The following TMPO variants were observed in gnomAD, a reference collection of about 807,000 sequenced individuals.
TMPO encodes LEM domain containing 4.
Under a neutral mutation model 45.4 loss-of-function variants are expected in TMPO, and 22 were observed. The observed-to-expected ratio is 0.48, with a 90% CI of 0.35 to 0.69. TMPO has a LOEUF of 0.69. Among genes scored for constraint, TMPO ranks in the 30% least tolerant of loss-of-function variants. TMPO has a pLI of 0.01. For missense variants in TMPO, 512 were observed against 548.8 expected (o/e 0.93, Z 0.67); for synonymous variants, 241 against 204.1 (o/e 1.18, Z -1.54).
intron 7 of TMPO, among the ~76,000 whole-genome samples, chr12:98,545,709 G>C (rs1354450403): frequency 5.9e-5 from 9 of 151,948 alleles, no homozygotes. Context: ...TTTTACTACA[G>C]AATTCTTAAT....
Position 98,515,770 on chromosome 12 carries a change from G to A in TMPO, c.-98G>A, listed in dbSNP as rs1875731264. The A allele has an allele frequency of 6.5e-7, 1 of 1,547,458 alleles. No homozygotes were observed. The highest frequency in any genetic ancestry group is 1.2e-5 in the South Asian group (1 of 83,828). On this transcript the variant is annotated 5_prime_UTR_variant, in exon 1 of 9. Coordinates refer to ENST00000556029, the MANE Select transcript of TMPO (RefSeq NM_001032283.3). ...GCTCTTCCCGGGCAGGAGCCGTGAGGCTCGGAGGCGGCAGCGCGGTCCCCG... is the reference window on the plus strand; with the variant it reads ...GCTCTTCCCGGGCAGGAGCCGTGAGACTCGGAGGCGGCAGCGCGGTCCCCG...
intron 1 of TMPO, among the ~76,000 whole-genome samples, chr12:98,520,944 T>C (rs1876309180): frequency 6.6e-6 from 1 of 151,986 alleles, no homozygotes; most frequent in Admixed American, 6.6e-5. Flanking sequence ...TAAAAGAATA[T>C]TTATTTATAT....
At chr12:98,542,507 A>G (rs1877973009) in intron 4 of TMPO, among the ~76,000 whole-genome samples, 1 of 150,976 alleles carries the variant, frequency 6.6e-6, no homozygotes. Flanking sequence ...AGGATTGAGA[A>G]TCTCAGATTA....
At chr12:98,546,772 A>G (rs1467432603) in intron 8 of TMPO, among the ~76,000 whole-genome samples, 1 of 152,214 alleles carries the variant, frequency 6.6e-6, no homozygotes, top group Non-Finnish European at 1.5e-5. Context: ...AAGTTGAATG[A>G]GTTTCAAAAT....
intron 4 of TMPO, among the ~76,000 whole-genome samples, chr12:98,541,993 G>A (rs1006730673): frequency 2.6e-5 from 4 of 152,110 alleles, no homozygotes; most frequent in African/African-American, 9.7e-5. Context: ...TTTATGTGTT[G>A]CATTTTATGG....
chr12:98,517,634 A>G (rs1875963166), intron 1 of TMPO, among the ~76,000 whole-genome samples: 1 of 152,274 alleles, frequency 6.6e-6, no homozygotes, highest in African/African-American at 2.4e-5. Context: ...TCTCGGCTTC[A>G]GAGAAGTTGA....
At position 98,544,296 on chromosome 12, in the gene TMPO, C is replaced by G. The variant is rs1421006791; in HGVS notation, c.730C>G (p.Gln244Glu). 6 of 1,613,926 alleles carry G rather than the reference C, an allele frequency of 3.7e-6. No individual in the cohort carries two copies. The South Asian group carries it at 6.6e-5, about 18-fold the overall frequency. Residue 244 changes from glutamine to glutamate, a missense_variant, in exon 5 of 9, where the codon CAG becomes GAG. Gln to Glu is a conservative substitution (Grantham distance 29, BLOSUM62 2). Coordinates refer to ENST00000556029, the MANE Select transcript of TMPO (RefSeq NM_001032283.3). ...TGGATCTTCAAAAGGCGGACCTCTG[C>G]AGGCATTAACTAGGGAATCTACAAG... ...TSGSSKGGPL[Q>E]ALTRESTRGS... is the part of the protein sequence containing the mutation.
chr12:98,534,145 G>A (rs1266419009), intron 3 of TMPO: 7 of 1,613,908 alleles, frequency 4.3e-6, no homozygotes, highest in Non-Finnish European at 5.9e-6. Flanking sequence ...ATATATTTGT[G>A]AAGCTGCATT....
rs547094521 is a variant in TMPO at position 98,544,478 on chromosome 12, G to T, written c.820G>T (p.Val274Leu). The T allele has an allele frequency of 1.2e-6, 2 of 1,613,940 alleles. No individual in the cohort carries two copies. Among genetic ancestry groups the T allele is most frequent in the Non-Finnish European group, 1.7e-6 (2 of 1,179,920 alleles). The change falls in exon 6 of 9, where the codon GTA (valine) becomes TTA (leucine). Residue 274 changes from valine to leucine, a missense_variant. This residue lies in a region of TMPO where 209 missense variants were observed against 235.1 expected (regional missense o/e 0.89). Coordinates refer to ENST00000556029, the MANE Select transcript of TMPO (RefSeq NM_001032283.3). The stretch of plus-strand genomic sequence containing the variant: ...AGAACATTTTCGTATAGATGGTCCA[G>T]TAATTTCAGAGAGTACTCCCATAGC... ...TSEHFRIDGPVISESTPIAET... is the reference protein window; with the variant it reads ...TSEHFRIDGPLISESTPIAET...
chr12:98,524,167 C>T (rs1876587860), intron 1 of TMPO, among the ~76,000 whole-genome samples: 1 of 152,210 alleles, frequency 6.6e-6, no homozygotes, highest in Non-Finnish European at 1.5e-5. Context: ...CTTTCTGTTG[C>T]TTGCCTCAAT....
Position 98,549,888 on chromosome 12 carries a change from C to A in TMPO, c.*2030C>A, listed in dbSNP as rs899234573. ...CCTTGCAAAGTGAGTGGGAAACTTA[C>A]TCCTAGATCAGAAATGTTTGCCTCT... On this transcript the variant is annotated 3_prime_UTR_variant, in exon 9 of 9. Transcript: ENST00000556029. The A allele has an allele frequency of 1.9e-4, 28 of 146,646 alleles. No homozygotes were observed. The highest frequency in any genetic ancestry group is 6.5e-4 in the African/African-American group (26 of 40,080). 9.1% of individuals were successfully genotyped at this position (146,646 alleles called of 1,614,324 possible).
At chr12:98,519,036 C>A (rs2121117691) in intron 1 of TMPO, among the ~76,000 whole-genome samples, 1 of 145,456 alleles carries the variant, frequency 6.9e-6, no homozygotes, top group Non-Finnish European at 1.5e-5. Flanking sequence ...CGCCCGCCAC[C>A]ACCCCCCAGC....
At chr12:98,536,445 C>T (rs1877571949) in intron 3 of TMPO, among the ~76,000 whole-genome samples, 1 of 152,032 alleles carries the variant, frequency 6.6e-6, no homozygotes, top group South Asian at 2.1e-4. Flanking sequence ...CCTCCGCCTC[C>T]CAGGTTCAAG....
At chr12:98,547,243 T>A (rs1041923629) in intron 8 of TMPO, among the ~76,000 whole-genome samples, 4 of 152,126 alleles carry the variant, frequency 2.6e-5, no homozygotes, top group Non-Finnish European at 4.4e-5. Context: ...GCCCGGCTAA[T>A]TTTTGTATTT....
intron 3 of TMPO, among the ~76,000 whole-genome samples, chr12:98,536,536 T>C (rs1201654926): frequency 1.3e-5 from 2 of 152,102 alleles, no homozygotes; most frequent in African/African-American, 4.8e-5. Context: ...GTATTTTTAG[T>C]AGAGACGGGG....
chr12:98,529,116 T>C (rs2121180576), intron 2 of TMPO, among the ~76,000 whole-genome samples: 1 of 151,452 alleles, frequency 6.6e-6, no homozygotes, highest in South Asian at 2.1e-4. Flanking sequence ...TACAATGGTG[T>C]GATCTTGGCT....
At position 98,544,456 on chromosome 12, in the gene TMPO, A is replaced by G. The variant is rs1419338114; in HGVS notation, c.798A>G (p.Glu266=). 2 of 1,613,932 alleles carry G rather than the reference A, an allele frequency of 1.2e-6. No individual in the cohort carries two copies. Among genetic ancestry groups the G allele is most frequent in the Non-Finnish European group, 1.7e-6 (2 of 1,179,896 alleles). ...CAAACTAACAGGTGGAAACTTCAGA[A>G]CATTTTCGTATAGATGGTCCAGTAA... ...RTPRKRVETS[E]HFRIDGPVIS... is the part of the protein sequence containing the mutation. Residue 266 remains glutamate, a synonymous_variant, in exon 6 of 9, where the codon GAA becomes GAG. Transcript: ENST00000556029.
rs1410647925 is a variant in TMPO, at chr12:98,549,817, A to G, written c.*1959A>G. 5 of 152,200 alleles carry G rather than the reference A, an allele frequency of 3.3e-5. No homozygotes were observed. The highest frequency in any genetic ancestry group is 7.3e-5 in the Non-Finnish European group (5 of 68,030). The allele number at this position is 152,200 out of a possible 1,614,324, so 9.4% of individuals were successfully genotyped here. On this transcript the variant is annotated 3_prime_UTR_variant, in exon 9 of 9. Transcript: ENST00000556029. Reference sequence around the variant, plus strand: ...CATACACATTTTCACGTACTTTGCAATTGAGACCAGAAAGACTTGTAGGTC... The same window carrying G: ...CATACACATTTTCACGTACTTTGCAGTTGAGACCAGAAAGACTTGTAGGTC...
chr12:98,516,131 A>G lies in TMPO; in HGVS notation c.264A>G (p.Arg88=). ...GSGAAAAGRS[R]AAVGRKATKK... ...GGGCCGCCGCCGCGGGCCGGAGCCGAGCAGCCGTCGGCAGGGTAAGGACGC... is the reference window on the plus strand; with the variant it reads ...GGGCCGCCGCCGCGGGCCGGAGCCGGGCAGCCGTCGGCAGGGTAAGGACGC... Residue 88 remains arginine, a synonymous_variant, in exon 1 of 9, where the codon CGA becomes CGG. Coordinates refer to ENST00000556029, the MANE Select transcript of TMPO (RefSeq NM_001032283.3). The G allele has an allele frequency of 6.8e-7, 1 of 1,473,504 alleles. No homozygotes were observed. The highest frequency in any genetic ancestry group is 8.9e-7 in the Non-Finnish European group (1 of 1,122,230). The allele number at this position is 1,473,504 out of a possible 1,614,324, so 91.3% of individuals were successfully genotyped here.
Sources: gnomAD v4.1 joint callset for allele counts (sites outside exome capture counted in the v4.1 genomes callset) on GRCh38, gnomAD v4.1.1 for gene constraint, gnomAD v4.1.1 regional missense constraint, MANE v1.5 for transcripts, NCBI Gene and HGNC (gene_info 2026-07-23, HGNC 2026-07-21) for gene names.